The following STK17A variants were observed in gnomAD, a reference collection of about 807,000 sequenced individuals.
STK17A encodes serine/threonine-protein kinase 17A.
STK17A carries 26 observed loss-of-function variants against 43.7 expected under a neutral mutation model. That is an observed-to-expected ratio of 0.60 (90% confidence interval 0.44 to 0.83). STK17A has a LOEUF of 0.83. STK17A is among the 40% of genes least tolerant of loss of function. The probability of loss-of-function intolerance (pLI) is 0.00; values close to 1 mark genes in which losing one functional copy is unlikely to be tolerated. For missense variants in STK17A, 476 were observed against 511.6 expected (o/e 0.93, Z 0.67); for synonymous variants, 191 against 182.5 (o/e 1.05, Z -0.38).
At chr7:43,597,893 C>G (rs1244114961) in intron 2 of STK17A, among the ~76,000 whole-genome samples, 2 of 151,924 alleles carry the variant, frequency 1.3e-5, no homozygotes, top group Non-Finnish European at 2.9e-5. Context: ...CCACTGCACT[C>G]CAGCCTGGGT....
chr7:43,596,080 A>G lies in STK17A; in HGVS notation c.386A>G (p.Glu129Gly). ...GTCATTAATTTACATGAAGTTTATG[A>G]GACTGCATCAGAAATGATCTTAGTT... ...PWVINLHEVY[E>G]TASEMILVLE... is the part of the protein sequence containing the mutation. The change falls in exon 2 of 7, where the codon GAG becomes GGG. Residue 129 changes from glutamate (E) to glycine (G), a missense_variant. Physicochemically the swap from Glu to Gly is moderately conservative, Grantham distance 98. Transcript: ENST00000319357. 1 of 1,612,526 alleles carries G rather than the reference A, an allele frequency of 6.2e-7. No homozygotes were observed. Among genetic ancestry groups the G allele is most frequent in the East Asian group, 2.2e-5 (1 of 44,776 alleles).
Position 43,626,858 on chromosome 7 carries a change from T to A in STK17A, c.*2016T>A, listed in dbSNP as rs1314876840. On this transcript the variant is annotated 3_prime_UTR_variant, in exon 7 of 7. Transcript: ENST00000319357. Reference sequence around the variant, plus strand: ...CAGTTTGCTGCGTATCTTTAGCTGCTGTTGTGCTTAAATACTGAGTCATAG... The same window carrying A: ...CAGTTTGCTGCGTATCTTTAGCTGCAGTTGTGCTTAAATACTGAGTCATAG... The A allele has an allele frequency of 6.6e-6, 1 of 152,244 alleles. No homozygotes were observed. The highest frequency in any genetic ancestry group is 1.5e-5 in the Non-Finnish European group (1 of 68,038). The allele number at this position is 152,244 out of a possible 1,614,324, so 9.4% of individuals were successfully genotyped here.
intron 1 of STK17A, among the ~76,000 whole-genome samples, chr7:43,583,885 T>C (rs78446798): frequency 0.014 from 2,204 of 152,300 alleles, 71 homozygotes; most frequent in African/African-American, 0.051. Context: ...TTTAATAAAA[T>C]ACAGCATCCG....
chr7:43,610,886 G>A (rs2082810604), intron 3 of STK17A, among the ~76,000 whole-genome samples: 2 of 152,108 alleles, frequency 1.3e-5, no homozygotes, highest in South Asian at 4.2e-4. Flanking sequence ...GGAGGTCAAG[G>A]AGGGCAGATC....
At chr7:43,604,665 T>C (rs2082576802) in intron 2 of STK17A, among the ~76,000 whole-genome samples, 1 of 152,204 alleles carries the variant, frequency 6.6e-6, no homozygotes, top group Non-Finnish European at 1.5e-5. Context: ...TTGGTTTTAT[T>C]TGTATTTATC....
chr7:43,605,730 A>G (rs2082584311), intron 2 of STK17A, among the ~76,000 whole-genome samples: 1 of 151,736 alleles, frequency 6.6e-6, no homozygotes, highest in Non-Finnish European at 1.5e-5. Flanking sequence ...AAGATTGGAG[A>G]GCTTACCTTT....
rs3832501 is a variant in STK17A at position 43,625,753 on chromosome 7, C to CAGAGAGAGAGAGAGAGAGAG, written c.*916_*935dup. 1.2e-3 allele frequency: 183 copies of CAGAGAGAGAGAGAGAGAGAG among 149,690 alleles called. No individual in the cohort carries two copies. Among genetic ancestry groups the CAGAGAGAGAGAGAGAGAGAG allele is most frequent in the Middle Eastern group, 3.5e-3 (1 of 288 alleles). The allele number at this position is 149,690 out of a possible 1,614,324, so 9.3% of individuals were successfully genotyped here. A position where few individuals can be genotyped will look rare whatever the true frequency, so the allele number is the denominator to read the frequency against. On this transcript the variant is annotated 3_prime_UTR_variant, in exon 7 of 7. Transcript: ENST00000319357. ...CCAAAGTGAGTAAAATCCCCTAGAG[C>CAGAGAGAGAGAGAGAGAGAG]AGAGAGAGAGAGAGAGAGAGAGAGT...
chr7:43,597,918 C>T (rs1563145229), intron 2 of STK17A, among the ~76,000 whole-genome samples: 1 of 151,866 alleles, frequency 6.6e-6, no homozygotes, highest in African/African-American at 2.4e-5. Flanking sequence ...GAGTGAGACT[C>T]TGTCTCAAAA....
In STK17A at chr7:43,583,328, G is replaced by A; in HGVS notation, c.85G>A (p.Gly29Arg). The change falls in exon 1 of 7, where the codon GGG becomes AGG. Residue 29 changes from glycine (G) to arginine (R), a missense_variant. Transcript: ENST00000319357. ...GSGRAGRGLSGPCRPPPPPQA... is the reference protein window; with the variant it reads ...GSGRAGRGLSRPCRPPPPPQA... ...GGGCCGGGCAGGCCGGGGTCTGAGC[G>A]GGCCGTGCCGGCCGCCGCCGCCGCC... 6.9e-7 allele frequency: 1 copy of A among 1,450,406 alleles called. No homozygotes were observed. Among genetic ancestry groups the A allele is most frequent in the Non-Finnish European group, 9.1e-7 (1 of 1,100,682 alleles). The allele number at this position is 1,450,406 out of a possible 1,614,324, so 89.8% of individuals were successfully genotyped here.
At chr7:43,583,726 T>G (rs2082419447) in intron 1 of STK17A, among the ~76,000 whole-genome samples, 1 of 152,154 alleles carries the variant, frequency 6.6e-6, no homozygotes, top group South Asian at 2.1e-4. Flanking sequence ...TCGTTCTCTG[T>G]GGCGTTTCGA....
At chr7:43,587,157 T>TG (rs1487574500) in intron 1 of STK17A, among the ~76,000 whole-genome samples, 3 of 141,098 alleles carry the variant, frequency 2.1e-5, no homozygotes, top group East Asian at 3.9e-4. Flanking sequence ...GTTTTTTGTT[T>TG]TTTTTTTTTT....
At chr7:43,620,322 T>C (rs28406682) in intron 4 of STK17A, among the ~76,000 whole-genome samples, 1 of 152,076 alleles carries the variant, frequency 6.6e-6, no homozygotes, top group African/African-American at 2.4e-5. Context: ...TTGATGGTCT[T>C]TTTAAGGTAT....
intron 2 of STK17A, among the ~76,000 whole-genome samples, chr7:43,605,341 G>A (rs2082581327): frequency 6.6e-6 from 1 of 152,128 alleles, no homozygotes; most frequent in Non-Finnish European, 1.5e-5. Context: ...AGTTTGGTTA[G>A]GACAGACCTA....
chr7:43,583,232 G>A lies in STK17A; in HGVS notation c.-12G>A, dbSNP rs778348491. On this transcript the variant is annotated 5_prime_UTR_variant, in exon 1 of 7. Coordinates refer to ENST00000319357, the MANE Select transcript of STK17A (RefSeq NM_004760.3). The stretch of plus-strand genomic sequence containing the variant: ...TGAACAGGCGGCCAGGAAAGAAGCG[G>A]GCCTGAACACCATGATCCCTTTGGA... The A allele has an allele frequency of 6.4e-7, 1 of 1,555,400 alleles. No homozygotes were observed. Among genetic ancestry groups the A allele is most frequent in the Admixed American group, 1.9e-5 (1 of 53,408 alleles).
intron 2 of STK17A, among the ~76,000 whole-genome samples, chr7:43,597,874 G>A (rs1229153337): frequency 2.0e-5 from 3 of 152,052 alleles, no homozygotes; most frequent in African/African-American, 4.8e-5. Context: ...ACAGTGAGCC[G>A]AGATAGTGCC....
At chr7:43,600,853 T>C (rs371406119) in intron 2 of STK17A, among the ~76,000 whole-genome samples, 2 of 152,346 alleles carry the variant, frequency 1.3e-5, no homozygotes, top group East Asian at 3.9e-4. Context: ...ATGCTGGGCT[T>C]ATAAGCATGA....
chr7:43,614,477 A>G (rs1482966906), intron 3 of STK17A, among the ~76,000 whole-genome samples: 2 of 152,242 alleles, frequency 1.3e-5, no homozygotes, highest in African/African-American at 2.4e-5. Context: ...TTTTCAGGAC[A>G]TGTATTTCGG....
intron 2 of STK17A, 77 bp from the exon 3 acceptor site, chr7:43,608,179 A>C: frequency 1.4e-6 from 2 of 1,395,868 alleles, no homozygotes; most frequent in South Asian, 2.7e-5. Context: ...ACTGTAATTA[A>C]TTTACTCTGT....
rs2082413114 is a variant in STK17A at position 43,583,293 on chromosome 7, C to T, written c.50C>T (p.Thr17Ile). 6.5e-7 allele frequency: 1 copy of T among 1,539,940 alleles called. No homozygotes were observed. Among genetic ancestry groups the T allele is most frequent in the Non-Finnish European group, 8.7e-7 (1 of 1,146,554 alleles). ...AGCGGCGGCTCCTCCCCAGGCGCCA[C>T]CTCAGGCTCGGGCCGGGCAGGCCGG... Reference protein sequence around the residue: ...PGSGGSSPGATSGSGRAGRGL... With the variant: ...PGSGGSSPGAISGSGRAGRGL... The change falls in exon 1 of 7, where the codon ACC becomes ATC. Residue 17 changes from threonine (T) to isoleucine (I), a missense_variant. Thr to Ile is a moderately conservative substitution (Grantham distance 89). Transcript: ENST00000319357.
Sources: allele counts gnomAD v4.1 joint callset (sites outside exome capture counted in the v4.1 genomes callset), GRCh38; gene constraint gnomAD v4.1.1; transcripts MANE v1.5; gene names NCBI Gene and HGNC (gene_info 2026-07-23, HGNC 2026-07-21).